Variants in PMFBP1 observed in about 807,000 individuals in gnomAD.
PMFBP1 encodes the protein polyamine-modulated factor 1-binding protein 1.
In PMFBP1, 131 loss-of-function variants were observed where a neutral mutation model predicts 137.8. That is an observed-to-expected ratio of 0.95 (90% CI 0.82 to 1.10). The LOEUF (loss-of-function observed/expected upper bound fraction) is 1.10, where lower values mean the gene tolerates loss of function less well. PMFBP1 is among the 50% of genes least tolerant of loss of function. The pLI is 0.00. For missense variants in PMFBP1, 1,199 were observed against 1,175.4 expected (o/e 1.02, Z -0.29); for synonymous variants, 490 against 450.4 (o/e 1.09, Z -1.11).
chr16:72,162,700 CA>C (rs1195745579), intron 3 of PMFBP1, among the ~76,000 whole-genome samples: 2 of 152,216 alleles, frequency 1.3e-5, no homozygotes, highest in Admixed American at 1.3e-4. Flanking sequence ...AAGCTTGTTT[CA>C]AGCTGTTAGA....
chr16:72,177,211 G>C (rs1241663216), upstream of PMFBP1, among the ~76,000 whole-genome samples: 1 of 152,006 alleles, frequency 6.6e-6, no homozygotes, highest in African/African-American at 2.4e-5. Flanking sequence ...TATTCTTTCT[G>C]CCTGTCCAAA....
chr16:72,168,618 G>C (rs982387022), intron 2 of PMFBP1, among the ~76,000 whole-genome samples: 3 of 152,110 alleles, frequency 2.0e-5, no homozygotes, highest in South Asian at 2.1e-4. Context: ...ATCTTGTCCT[G>C]GATCTGAAGT....
At chr16:72,212,493 A>G in the PMFBP1 span, among the ~76,000 whole-genome samples, 1 of 152,028 alleles carries the variant, frequency 6.6e-6, no homozygotes, top group African/African-American at 2.4e-5. Context: ...GAAAAAAAAA[A>G]AAAAAAGGAA....
chr16:72,120,811 G>C (rs1398622623), intron 19 of PMFBP1, among the ~76,000 whole-genome samples: 1 of 152,198 alleles, frequency 6.6e-6, no homozygotes, highest in Non-Finnish European at 1.5e-5. Context: ...CCACTTATTA[G>C]TTTTGAGACC....
At chr16:72,185,527 A>T in the PMFBP1 span, among the ~76,000 whole-genome samples, 1 of 151,970 alleles carries the variant, frequency 6.6e-6, no homozygotes, top group Non-Finnish European at 1.5e-5. Context: ...TTCCTCTACA[A>T]AGCCTTCTCT....
chr16:72,213,429 C>A, the PMFBP1 span, among the ~76,000 whole-genome samples: 2 of 152,300 alleles, frequency 1.3e-5, no homozygotes, highest in South Asian at 2.1e-4. Flanking sequence ...ATGAAGCCAG[C>A]CGTCAAGTTG....
At chr16:72,139,499 T>C in intron 6 of PMFBP1, 100 bp from the exon 7 acceptor site, 3 of 967,856 alleles carry the variant, frequency 3.1e-6, no homozygotes, top group Non-Finnish European at 4.9e-6. Flanking sequence ...CATAAGTTTG[T>C]TGCAGAATTA....
Position 72,168,951 on chromosome 16 carries a change from G to A in PMFBP1, c.12+2246C>T, listed in dbSNP as rs890364680. Among the ~76,000 whole-genome samples the A allele has an allele frequency of 2.6e-5, 4 of 152,094 alleles. No individual in the cohort carries two copies. In the South Asian group the frequency reaches 8.3e-4, roughly 32 times the overall value. On this transcript the variant is annotated intron_variant, in intron 2 of 20. Transcript: ENST00000237353. ...AAATAGGAGAAGACATTTTGCTTTA[G>A]GTTTCCAAGTATTAACAGTCTCAAG... is the stretch of plus-strand genomic sequence containing the variant.
the PMFBP1 span, among the ~76,000 whole-genome samples, chr16:72,190,103 C>T: frequency 3.5e-4 from 53 of 152,248 alleles, no homozygotes; most frequent in African/African-American, 1.2e-3. Context: ...AATCTTGTGA[C>T]CTTTGGCTAC....
At chr16:72,138,201 C>A (rs2042662209) in intron 7 of PMFBP1, among the ~76,000 whole-genome samples, 1 of 152,188 alleles carries the variant, frequency 6.6e-6, no homozygotes, top group Non-Finnish European at 1.5e-5. Context: ...GGAAGAACTA[C>A]AAAGTTCAAT....
At position 72,150,608 on chromosome 16, in the gene PMFBP1, C is replaced by A; in HGVS notation, c.636G>T (p.Gln212His). 6.2e-7 allele frequency: 1 copy of A among 1,612,530 alleles called. No homozygotes were observed. The highest frequency in any genetic ancestry group is 1.7e-5 in the Admixed American group (1 of 60,028). Residue 212 changes from glutamine (Q) to histidine (H), a missense_variant and splice_region_variant, in exon 5 of 21, where the codon CAG becomes CAT. Physicochemically the swap from Gln to His is conservative, Grantham distance 24. Coordinates refer to ENST00000237353, the MANE Select transcript of PMFBP1 (RefSeq NM_031293.3). ...LQGELGGIMG[Q>H]EPENKGDHSK... The stretch of plus-strand genomic sequence containing the variant: ...TTGAATGGCCTGACTTAAGTCCTAC[C>A]TGACCCATGATCCCGCCGAGTTCCC...
chr16:72,226,316 G>A, the PMFBP1 span, among the ~76,000 whole-genome samples: 1 of 152,160 alleles, frequency 6.6e-6, no homozygotes, highest in African/African-American at 2.4e-5. Context: ...ATGGCCAGTA[G>A]CTTTGGACTG....
intron 15 of PMFBP1, among the ~76,000 whole-genome samples, chr16:72,125,723 C>A (rs1240731565): frequency 6.6e-6 from 1 of 152,186 alleles, no homozygotes; most frequent in Non-Finnish European, 1.5e-5. Flanking sequence ...CCCCGAGTCA[C>A]CCATGGGCAG....
At chr16:72,227,388 A>G in the PMFBP1 span, among the ~76,000 whole-genome samples, 1 of 152,210 alleles carries the variant, frequency 6.6e-6, no homozygotes, top group Non-Finnish European at 1.5e-5. Context: ...CCAATGATTA[A>G]AGGGACACAT....
intron 11 of PMFBP1, 35 bp from the exon 12 acceptor site, chr16:72,130,392 T>A: frequency 6.2e-7 from 1 of 1,613,820 alleles, no homozygotes; most frequent in Non-Finnish European, 8.5e-7. Flanking sequence ...AGGACAGACT[T>A]CAGTGCCCAT....
At chr16:72,140,194 G>A (rs1187526426) in intron 6 of PMFBP1, among the ~76,000 whole-genome samples, 1 of 152,146 alleles carries the variant, frequency 6.6e-6, no homozygotes, top group African/African-American at 2.4e-5. Flanking sequence ...TTAGGTTGTT[G>A]TGTGAGAGAT....
At chr16:72,149,149 T>C (rs975318158) in intron 5 of PMFBP1, among the ~76,000 whole-genome samples, 12 of 152,226 alleles carry the variant, frequency 7.9e-5, no homozygotes, top group African/African-American at 2.9e-4. Context: ...GTTGGCTTCC[T>C]GGGGAACCCA....
At chr16:72,219,490 T>C in the PMFBP1 span, among the ~76,000 whole-genome samples, 3 of 152,054 alleles carry the variant, frequency 2.0e-5, no homozygotes, top group Non-Finnish European at 4.4e-5. Context: ...GTCGGGGGCC[T>C]GTGAGGATGG....
At position 72,124,767 on chromosome 16, in the gene PMFBP1, C is replaced by T; in HGVS notation, c.2589G>A (p.Glu863=). 1 of 1,613,406 alleles carries T rather than the reference C, an allele frequency of 6.2e-7. No individual in the cohort carries two copies. Among genetic ancestry groups the T allele is most frequent in the Non-Finnish European group, 8.5e-7 (1 of 1,179,586 alleles). Residue 863 remains glutamate, a splice_region_variant and synonymous_variant, in exon 17 of 21, where the codon GAG becomes GAA. Transcript: ENST00000237353. ...CACGCAGAAGCCAAGGCATGCCCAC[C>T]TCCTTATCGTCCTCAAGGAGGTTCT... ...LKENLLEDDK[E]PCCLPQWSVP...
Sources: gnomAD v4.1 joint callset for allele counts (sites outside exome capture counted in the v4.1 genomes callset) on GRCh38, gnomAD v4.1.1 for gene constraint, MANE v1.5 for transcripts, NCBI Gene and HGNC (gene_info 2026-07-23, HGNC 2026-07-21) for gene names.